The following FAM153A variants were observed in gnomAD, a reference collection of about 807,000 sequenced individuals.
FAM153A encodes the protein family with sequence similarity 153 member A.
FAM153A carries 12 observed loss-of-function variants against 48.1 expected under a neutral mutation model. The observed-to-expected ratio is 0.25, with a 90% confidence interval of 0.16 to 0.40. The LOEUF is 0.40. Ranked by LOEUF, FAM153A falls within the 10% of genes least tolerant of loss-of-function variation. The pLI is 1.00. For missense variants in FAM153A, 111 were observed against 345.8 expected, an observed-to-expected ratio of 0.32 and a Z score of 5.38; for synonymous variants, 36 against 118.2, an observed-to-expected ratio of 0.30 and a Z score of 4.51.
chr5:177,728,600 G>A (rs568018723), intron 18 of FAM153A, among the ~76,000 whole-genome samples: 5 of 143,024 alleles, frequency 3.5e-5, no homozygotes, highest in Non-Finnish European at 6.0e-5. Context: ...ACGGAGTTTC[G>A]CTCGTTGCCC....
At chr5:177,735,202 G>T (rs963862193) in intron 12 of FAM153A, among the ~76,000 whole-genome samples, 8 of 149,944 alleles carry the variant, frequency 5.3e-5, no homozygotes, top group Admixed American at 3.3e-4. Context: ...GAGCTAACTT[G>T]CCCTCTTATT....
upstream of FAM153A, among the ~76,000 whole-genome samples, chr5:177,755,575 C>A (rs1189391397): frequency 1.3e-5 from 2 of 151,720 alleles, no homozygotes; most frequent in Non-Finnish European, 2.9e-5. Flanking sequence ...ATGTTAAGGG[C>A]AGCCAGAGAC....
chr5:177,698,626 A>C, the FAM153A span, among the ~76,000 whole-genome samples: 10 of 151,942 alleles, frequency 6.6e-5, no homozygotes, highest in South Asian at 1.2e-3. Flanking sequence ...TTGATGTTTA[A>C]AAAATAAACT....
chr5:177,735,292 A>G, intron 12 of FAM153A, among the ~76,000 whole-genome samples: 1 of 143,072 alleles, frequency 7.0e-6, no homozygotes, highest in Non-Finnish European at 1.5e-5. Flanking sequence ...AAGATTTTGT[A>G]CGGAATAAGA....
chr5:177,699,653 C>G, the FAM153A span, among the ~76,000 whole-genome samples: 6 of 152,248 alleles, frequency 3.9e-5, no homozygotes, highest in Admixed American at 2.0e-4. Flanking sequence ...GAAATTGACT[C>G]AAGAAGAAGT....
At chr5:177,754,865 A>G (rs1440606066), upstream of FAM153A, among the ~76,000 whole-genome samples, 2 of 151,908 alleles carry the variant, frequency 1.3e-5, no homozygotes, top group African/African-American at 4.9e-5. Context: ...GACCAAGGGC[A>G]GATAAAACCA....
At chr5:177,696,047 C>T in the FAM153A span, among the ~76,000 whole-genome samples, 5 of 128,640 alleles carry the variant, frequency 3.9e-5, no homozygotes, top group Admixed American at 8.0e-5. Context: ...CGGGCAGAGG[C>T]GCTCCTCACT....
chr5:177,729,955 C>G lies in FAM153A; in HGVS notation c.863-400G>C, dbSNP rs1423514783. On this transcript the variant is annotated intron_variant, in intron 16 of 20. Transcript: ENST00000614127. ...GAGGATGCTGATGTGTTTACCATCCCTTTTAGAGGATTTTGTATGGAATAA... is the reference window on the plus strand; with the variant it reads ...GAGGATGCTGATGTGTTTACCATCCGTTTTAGAGGATTTTGTATGGAATAA... 7.8e-5 allele frequency among the ~76,000 whole-genome samples: 8 copies of G among 102,120 alleles called. 2 individuals carry two copies. Among genetic ancestry groups the G allele is most frequent in the African/African-American group, 2.8e-4 (8 of 28,112 alleles). 67.0% of individuals were successfully genotyped at this position (102,120 alleles called of 152,430 possible).
At chr5:177,771,197 T>C (rs1217666664) in intron 1 of FAM153A, among the ~76,000 whole-genome samples, 1 of 97,474 alleles carries the variant, frequency 1.0e-5, no homozygotes, top group African/African-American at 4.0e-5. Context: ...TTCATAACTC[T>C]AAACAGGGAT....
downstream of FAM153A, among the ~76,000 whole-genome samples, chr5:177,705,194 C>T (rs1757767964): frequency 6.6e-6 from 1 of 150,808 alleles, no homozygotes; most frequent in African/African-American, 2.5e-5. Flanking sequence ...ATCTCATCTA[C>T]TCGGGAGGCT....
At chr5:177,695,490 G>A in the FAM153A span, among the ~76,000 whole-genome samples, 1 of 152,228 alleles carries the variant, frequency 6.6e-6, no homozygotes, top group Non-Finnish European at 1.5e-5. Context: ...TCAGGCATCT[G>A]TTTAACAAAG....
chr5:177,737,254 G>A, intron 10 of FAM153A, 142 bp from the exon 13 acceptor site: 1 of 1,581,214 alleles, frequency 6.3e-7, no homozygotes, highest in Non-Finnish European at 8.6e-7. Flanking sequence ...CATCCTCCAT[G>A]GTGGAGGGAA....
At chr5:177,719,241 T>TA (rs896072527), downstream of FAM153A, among the ~76,000 whole-genome samples, 24 of 151,104 alleles carry the variant, frequency 1.6e-4, no homozygotes, top group African/African-American at 5.9e-4. Flanking sequence ...TAAGTTATTA[T>TA]AAAAAAATAT....
At chr5:177,711,148 A>G (rs1758408118) in exon 27 of FAM153A, 2 of 152,092 alleles carry the variant, frequency 1.3e-5, no homozygotes, top group South Asian at 4.1e-4. Flanking sequence ...AAAGACATAT[A>G]CAATGGTCTG....
chr5:177,763,935 C>T (rs1488190143), intron 1 of FAM153A, among the ~76,000 whole-genome samples: 3 of 151,512 alleles, frequency 2.0e-5, no homozygotes, highest in Admixed American at 6.5e-5. Flanking sequence ...TGTTTGGACT[C>T]GGCCCAGAGT....
At chr5:177,711,335 G>A (rs568576801) in exon 27 of FAM153A, 41 of 151,976 alleles carry the variant, frequency 2.7e-4, no homozygotes, top group Admixed American at 2.0e-3. Flanking sequence ...CAAGTTATCA[G>A]GACAAGACCA....
rs1177966738 is a variant in FAM153A, at chr5:177,741,579, C to A, written c.365-247G>T. ...GATGCCATGGCAGTGTCTCATCATT[C>A]CCCTATGCGTTTTGAGGCCTGGGAA... On this transcript the variant is annotated intron_variant, in intron 6 of 20. Transcript: ENST00000614127. Among the ~76,000 whole-genome samples the A allele has an allele frequency of 4.8e-4, 45 of 94,312 alleles. 2 individuals carry two copies. Among genetic ancestry groups the A allele is most frequent in the African/African-American group, 1.5e-3 (43 of 27,916 alleles). 61.9% of individuals were successfully genotyped at this position (94,312 alleles called of 152,430 possible). A position where few individuals can be genotyped will look rare whatever the true frequency, so the allele number is the denominator to read the frequency against.
downstream of FAM153A, among the ~76,000 whole-genome samples, chr5:177,709,377 T>TC (rs1554133310): frequency 9.2e-4 from 128 of 139,398 alleles, 1 homozygote; most frequent in African/African-American, 3.3e-3. Context: ...TTTTTTTTTT[T>TC]CCGAGATGAA....
intron 1 of FAM153A, among the ~76,000 whole-genome samples, chr5:177,772,729 G>A (rs1197708853): frequency 1.2e-4 from 1 of 8,154 alleles, no homozygotes; most frequent in African/African-American, 2.9e-4. Context: ...CAAAGCAGCC[G>A]GGAAGCTCGA....
Sources: allele counts gnomAD v4.1 joint callset (sites outside exome capture counted in the v4.1 genomes callset), GRCh38; gene constraint gnomAD v4.1.1; transcripts MANE v1.5; gene names NCBI Gene and HGNC (gene_info 2026-07-23, HGNC 2026-07-21).